LRRC53: variants seen among roughly 807,000 people sequenced by gnomAD.
LRRC53 encodes leucine rich repeat containing 53.
In LRRC53, 25 loss-of-function variants were observed where a neutral mutation model predicts 13.6. That is an observed-to-expected ratio of 1.83 (90% CI 1.34 to 2.56). The LOEUF (loss-of-function observed/expected upper bound fraction) is 2.56. Ranked by LOEUF, LRRC53 falls within the 30% of genes most tolerant of loss-of-function variation. LRRC53 has a pLI of 0.00. For synonymous variants in LRRC53, 204 were observed against 109.8 expected, an observed-to-expected ratio of 1.86 and a Z score of -5.37; for missense variants, 527 against 275.8, an observed-to-expected ratio of 1.91 and a Z score of -6.45.
intron 1 of LRRC53, among the ~76,000 whole-genome samples, chr1:74,500,560 C>T (rs1270161673): frequency 8.1e-6 from 1 of 122,930 alleles, no homozygotes; most frequent in East Asian, 2.8e-4. Context: ...GCTGAGATCC[C>T]GCCACTGCAC....
chr1:74,479,316 A>G (rs1435681249), intron 3 of LRRC53, among the ~76,000 whole-genome samples: 2 of 152,196 alleles, frequency 1.3e-5, no homozygotes, highest in Non-Finnish European at 2.9e-5. Context: ...ATTTTATATT[A>G]TTCATCCAGT....
upstream of LRRC53, among the ~76,000 whole-genome samples, chr1:74,516,987 A>G (rs1646358232): frequency 1.3e-5 from 2 of 152,230 alleles, no homozygotes; most frequent in Admixed American, 6.5e-5. Context: ...TCCCATGAGC[A>G]TCATTATGAG....
upstream of LRRC53, among the ~76,000 whole-genome samples, chr1:74,513,919 G>A (rs1452765648): frequency 1.3e-5 from 2 of 152,160 alleles, no homozygotes; most frequent in Non-Finnish European, 1.5e-5. Context: ...GGTGCTGACA[G>A]ACCTTTGTTT....
At chr1:74,535,111 A>T in the LRRC53 span, among the ~76,000 whole-genome samples, 63 of 152,264 alleles carry the variant, frequency 4.1e-4, 1 homozygote, top group South Asian at 5.8e-3. Context: ...CTAAATGAGG[A>T]CTGTGTAATT....
chr1:74,505,733 G>A (rs1266418365), intron 1 of LRRC53, among the ~76,000 whole-genome samples: 1 of 152,124 alleles, frequency 6.6e-6, no homozygotes, highest in African/African-American at 2.4e-5. Flanking sequence ...ATGAGATGGA[G>A]TTTTTCTTGA....
At chr1:74,512,003 A>C (rs1670251881) in intron 1 of LRRC53, among the ~76,000 whole-genome samples, 1 of 152,162 alleles carries the variant, frequency 6.6e-6, no homozygotes, top group African/African-American at 2.4e-5. Context: ...CCCAAGGAAA[A>C]TCGGAAGGAA....
chr1:74,518,209 A>G, the LRRC53 span, among the ~76,000 whole-genome samples: 1 of 152,174 alleles, frequency 6.6e-6, no homozygotes, highest in Non-Finnish European at 1.5e-5. Context: ...TGATCAATGG[A>G]GGAAAAAAGA....
At chr1:74,530,312 G>A in the LRRC53 span, among the ~76,000 whole-genome samples, 1 of 152,204 alleles carries the variant, frequency 6.6e-6, no homozygotes, top group African/African-American at 2.4e-5. Flanking sequence ...ACAGGTTTAA[G>A]TTGAGAAAGA....
chr1:74,515,460 C>T (rs1019745691), upstream of LRRC53, among the ~76,000 whole-genome samples: 2 of 152,070 alleles, frequency 1.3e-5, no homozygotes, highest in South Asian at 2.1e-4. Flanking sequence ...TTTATCATGC[C>T]AATACATATA....
chr1:74,504,579 G>A (rs1669795041), intron 1 of LRRC53, among the ~76,000 whole-genome samples: 1 of 152,056 alleles, frequency 6.6e-6, no homozygotes, highest in Non-Finnish European at 1.5e-5. Context: ...TGATGAAAAT[G>A]GAAAATTAAT....
chr1:74,499,886 C>T lies in LRRC53; in HGVS notation c.-27+12640G>A, dbSNP rs539819330. On this transcript the variant is annotated intron_variant, in intron 1 of 4. Coordinates refer to ENST00000294635, the MANE Select transcript of LRRC53 (RefSeq NM_001382280.1). ...ATACCTTTTGTGTGATAAATAGTTA[C>T]ATCCATTGTGACTGCTGAAATCGTT... Among the ~76,000 whole-genome samples the T allele has an allele frequency of 2.6e-5, 4 of 152,184 alleles. No homozygotes were observed. In the South Asian group the frequency reaches 6.2e-4, roughly 24 times the overall value.
intron 1 of LRRC53, among the ~76,000 whole-genome samples, chr1:74,511,754 T>C (rs931834070): frequency 1.3e-5 from 2 of 151,824 alleles, no homozygotes; most frequent in African/African-American, 2.4e-5. Context: ...AGAGTCAAGG[T>C]AGGCTTCCCA....
At chr1:74,478,399 A>T (rs185109955) in intron 3 of LRRC53, among the ~76,000 whole-genome samples, 1 of 152,316 alleles carries the variant, frequency 6.6e-6, no homozygotes, top group South Asian at 2.1e-4. Flanking sequence ...TAGAATTTGT[A>T]TTCATCTCAA....
chr1:74,532,082 C>G, the LRRC53 span, among the ~76,000 whole-genome samples: 1 of 152,148 alleles, frequency 6.6e-6, no homozygotes, highest in Non-Finnish European at 1.5e-5. Context: ...CTCAACATAG[C>G]CCAGGCTGTG....
chr1:74,515,185 G>A (rs1020601361), upstream of LRRC53, among the ~76,000 whole-genome samples: 1 of 152,118 alleles, frequency 6.6e-6, no homozygotes, highest in African/African-American at 2.4e-5. Flanking sequence ...AAGCCTTCAG[G>A]TGTTTGGAAC....
intron 2 of LRRC53, among the ~76,000 whole-genome samples, chr1:74,482,215 A>T (rs370228602): frequency 1.3e-5 from 2 of 152,132 alleles, no homozygotes; most frequent in Non-Finnish European, 2.9e-5. Context: ...ATTTCTGTCA[A>T]TTACTTCTTG....
the LRRC53 span, among the ~76,000 whole-genome samples, chr1:74,530,392 C>A: frequency 6.6e-6 from 1 of 152,100 alleles, no homozygotes. Context: ...TCTCTCTGAG[C>A]CTTGGTTTCC....
At chr1:74,535,268 G>C in the LRRC53 span, among the ~76,000 whole-genome samples, 2 of 151,992 alleles carry the variant, frequency 1.3e-5, no homozygotes, top group Non-Finnish European at 2.9e-5. Context: ...ACAGGAGTTC[G>C]ACACCAGCCT....
upstream of LRRC53, among the ~76,000 whole-genome samples, chr1:74,512,893 G>GTT: frequency 6.6e-6 from 1 of 152,114 alleles, no homozygotes; most frequent in Admixed American, 6.5e-5. Context: ...CTTATGATGG[G>GTT]GTCACTATGT....
Sources: allele counts gnomAD v4.1 joint callset (sites outside exome capture counted in the v4.1 genomes callset), GRCh38; gene constraint gnomAD v4.1.1; transcripts MANE v1.5; gene names NCBI Gene and HGNC (gene_info 2026-07-23, HGNC 2026-07-21).